NHSL1: variants seen among roughly 807,000 people sequenced by gnomAD.
NHSL1 encodes the protein NHS-like protein 1.
A neutral mutation model predicts 95.0 loss-of-function variants in NHSL1; 48 were observed. That is an observed-to-expected ratio of 0.51 (90% CI 0.40 to 0.64). The LOEUF (loss-of-function observed/expected upper bound fraction) is 0.64, where lower values mean the gene tolerates loss of function less well. NHSL1 is among the 30% of genes least tolerant of loss of function. The probability of loss-of-function intolerance (pLI) is 0.00; values close to 1 mark genes in which losing one functional copy is unlikely to be tolerated. For synonymous variants in NHSL1, 783 were observed against 833.9 expected (o/e 0.94, Z 1.05); for missense variants, 1,971 against 2,077.7 (o/e 0.95, Z 1.00).
At chr6:138,670,329 C>G (rs1466578268) in intron 1 of NHSL1, among the ~76,000 whole-genome samples, 3 of 149,174 alleles carry the variant, frequency 2.0e-5, no homozygotes, top group African/African-American at 7.4e-5. Flanking sequence ...GAAAAGAGAT[C>G]TAAACAGAAA....
chr6:138,615,131 G>T (rs1784562004), intron 1 of NHSL1, among the ~76,000 whole-genome samples: 1 of 152,106 alleles, frequency 6.6e-6, no homozygotes, highest in African/African-American at 2.4e-5. Context: ...GAAACCTCAG[G>T]CCCCACAGGC....
chr6:138,656,145 G>GA, intron 1 of NHSL1, among the ~76,000 whole-genome samples: 1 of 151,700 alleles, frequency 6.6e-6, no homozygotes, highest in East Asian at 1.9e-4. Flanking sequence ...TCGATGAAAG[G>GA]AATGACTTCT....
chr6:138,581,692 CAAAAAAAAA>C (rs1163761095), intron 1 of NHSL1, among the ~76,000 whole-genome samples: 2 of 67,298 alleles, frequency 3.0e-5, no homozygotes, highest in Non-Finnish European at 2.9e-5. Flanking sequence ...ACTCCGTCTC[CAAAAAAAAA>C]AAAAAAAAAA....
rs895788542 is a variant in NHSL1, at chr6:138,650,877, T to C, written c.96+41599A>G. The C allele has an allele frequency of 1.7e-5, 9 of 541,068 alleles. No individual in the cohort carries two copies. The Admixed American group carries it at 1.7e-4, about 10-fold the overall frequency. 33.5% of individuals were successfully genotyped at this position (541,068 alleles called of 1,614,324 possible). ...AGGGCGTTGGACATCAGCTGGGGCC[T>C]CGGGCCTTGGAACAGCCCTATCTTA... On this transcript the variant is annotated intron_variant, in intron 1 of 3. Coordinates refer to the NHSL1 transcript ENST00000491526.
intron 1 of NHSL1, among the ~76,000 whole-genome samples, chr6:138,508,188 C>T (rs376069375): frequency 2.0e-5 from 3 of 152,080 alleles, no homozygotes; most frequent in East Asian, 1.9e-4. Context: ...AAAAGAAACC[C>T]AAATCAAAAG....
rs1775021621 is a variant in NHSL1, at chr6:138,423,140, C to CCATA, written c.*937_*940dup. 6.6e-6 allele frequency: 1 copy of CCATA among 151,204 alleles called. No individual in the cohort carries two copies. Among genetic ancestry groups the CCATA allele is most frequent in the Non-Finnish European group, 1.5e-5 (1 of 67,882 alleles). The allele number at this position is 151,204 out of a possible 1,614,324, so 9.4% of individuals were successfully genotyped here. On this transcript the variant is annotated 3_prime_UTR_variant, in exon 8 of 8. Coordinates refer to ENST00000343505, the MANE Select transcript of NHSL1 (RefSeq NM_001144060.2). ...ACTGTTGTAAAAGGAAAAGCTCCAC[C>CCATA]CATAGTTCTGTAGTGCAAGTTTTCA...
chr6:138,515,133 G>A (rs1484865697), intron 1 of NHSL1, among the ~76,000 whole-genome samples: 1 of 152,098 alleles, frequency 6.6e-6, no homozygotes, highest in Non-Finnish European at 1.5e-5. Flanking sequence ...ACACTTCTCA[G>A]AACAGCACAC....
intron 1 of NHSL1, among the ~76,000 whole-genome samples, chr6:138,557,057 C>T (rs1783219566): frequency 6.6e-6 from 1 of 152,148 alleles, no homozygotes. Context: ...GATAATCCTC[C>T]TTGAAAACTC....
chr6:138,474,646 A>C (rs58735807), intron 2 of NHSL1, among the ~76,000 whole-genome samples: 1 of 152,136 alleles, frequency 6.6e-6, no homozygotes, highest in Admixed American at 6.6e-5. Flanking sequence ...ATACTACTTC[A>C]GTTACTTATA....
Position 138,499,367 on chromosome 6 carries a change from G to T in NHSL1, c.-77C>A. On this transcript the variant is annotated 5_prime_UTR_variant, in exon 1 of 8. Transcript: ENST00000343505. Reference sequence around the variant, plus strand: ...GCCCAGTAGGCAGGTGGCAAGCTTCGTCCTTCTGCTACAGATTCTAACTTT... The same window carrying T: ...GCCCAGTAGGCAGGTGGCAAGCTTCTTCCTTCTGCTACAGATTCTAACTTT... 1.3e-6 allele frequency: 2 copies of T among 1,532,780 alleles called. No homozygotes were observed. Among genetic ancestry groups the T allele is most frequent in the Non-Finnish European group, 1.8e-6 (2 of 1,137,312 alleles). 94.9% of individuals were successfully genotyped at this position (1,532,780 alleles called of 1,614,324 possible).
chr6:138,552,345 G>A (rs746164144), intron 1 of NHSL1, among the ~76,000 whole-genome samples: 11 of 152,072 alleles, frequency 7.2e-5, no homozygotes, highest in South Asian at 2.1e-4. Flanking sequence ...GCTTGAACCC[G>A]GGAGGTGGAG....
chr6:138,614,002 T>C (rs1403222414), intron 1 of NHSL1, among the ~76,000 whole-genome samples: 1 of 152,202 alleles, frequency 6.6e-6, no homozygotes, highest in Admixed American at 6.5e-5. Context: ...GCAGCAGACA[T>C]GGCTGGTTTG....
At chr6:138,469,080 C>CCAT (rs1422490549) in intron 3 of NHSL1, among the ~76,000 whole-genome samples, 29 of 152,332 alleles carry the variant, frequency 1.9e-4, no homozygotes, top group African/African-American at 6.5e-4. Flanking sequence ...ATGACCACCA[C>CCAT]TGCTGGCTGT....
chr6:138,545,416 C>A (rs141472126), intron 1 of NHSL1, among the ~76,000 whole-genome samples: 1 of 152,278 alleles, frequency 6.6e-6, no homozygotes, highest in East Asian at 1.9e-4. Context: ...TCCTTTCTGT[C>A]TAGAAGAGAA....
chr6:138,673,310 T>C (rs1191845042), intron 1 of NHSL1, among the ~76,000 whole-genome samples: 1 of 151,252 alleles, frequency 6.6e-6, no homozygotes, highest in Non-Finnish European at 1.5e-5. Context: ...GGGGCAGTAT[T>C]TAACCAGAAA....
chr6:138,499,153 A>ACT, intron 1 of NHSL1, 80 bp downstream of exon 1: 2 of 559,130 alleles, frequency 3.6e-6, no homozygotes, highest in Non-Finnish European at 5.6e-6. Context: ...ACACACACAC[A>ACT]CACACAGACA....
At chr6:138,688,213 A>C (rs1249787270) in intron 1 of NHSL1, among the ~76,000 whole-genome samples, 1 of 152,082 alleles carries the variant, frequency 6.6e-6, no homozygotes, top group Non-Finnish European at 1.5e-5. Context: ...TGGCCTCCCA[A>C]AGTACTGTAA....
chr6:138,629,267 G>A (rs1784784481), intron 1 of NHSL1, among the ~76,000 whole-genome samples: 1 of 152,130 alleles, frequency 6.6e-6, no homozygotes, highest in African/African-American at 2.4e-5. Context: ...CTGTAAATGA[G>A]GAAGCAAGGA....
At chr6:138,646,998 T>C (rs1325553738) in intron 1 of NHSL1, among the ~76,000 whole-genome samples, 2 of 152,218 alleles carry the variant, frequency 1.3e-5, no homozygotes, top group Non-Finnish European at 1.5e-5. Context: ...GTGTCAAAAT[T>C]GTGATTCCCA....
Sources: gnomAD v4.1 joint callset for allele counts (sites outside exome capture counted in the v4.1 genomes callset) on GRCh38, gnomAD v4.1.1 for gene constraint, MANE v1.5 for transcripts, NCBI Gene and HGNC (gene_info 2026-07-23, HGNC 2026-07-21) for gene names.